Variants in GTF2F2 observed in about 807,000 individuals in gnomAD.
The protein encoded by GTF2F2 is general transcription factor IIF subunit 2, also known as ATP-dependent helicase GTF2F2.
A neutral mutation model predicts 42.2 loss-of-function variants in GTF2F2; 23 were observed. The ratio of observed to expected loss-of-function variants is 0.55; its 90% CI spans 0.39 to 0.77. The LOEUF (loss-of-function observed/expected upper bound fraction) is 0.77. Ranked by LOEUF, GTF2F2 falls within the 30% of genes least tolerant of loss-of-function variation. The pLI is 0.00. For synonymous variants in GTF2F2, 105 were observed against 100.8 expected (o/e 1.04, Z -0.25); for missense variants, 261 against 287.2 (o/e 0.91, Z 0.66).
At chr13:45,281,298 A>G (rs1457952667) in intron 7 of GTF2F2, among the ~76,000 whole-genome samples, 4 of 152,182 alleles carry the variant, frequency 2.6e-5, no homozygotes, top group Non-Finnish European at 5.9e-5. Flanking sequence ...GAGCTGAGCC[A>G]TCCTGAAGGA....
chr13:45,170,257 CT>C (rs1318762542), intron 4 of GTF2F2, among the ~76,000 whole-genome samples: 1 of 152,194 alleles, frequency 6.6e-6, no homozygotes, highest in Admixed American at 6.5e-5. Flanking sequence ...CAGACCCCCC[CT>C]GCCTTGGCCT....
chr13:45,273,457 C>CTG (rs1033852429), intron 7 of GTF2F2, among the ~76,000 whole-genome samples: 4 of 151,886 alleles, frequency 2.6e-5, no homozygotes, highest in African/African-American at 7.3e-5. Context: ...CAGAATTTTA[C>CTG]GTAAGGTATT....
At chr13:45,235,123 T>C (rs186770375) in intron 5 of GTF2F2, among the ~76,000 whole-genome samples, 9 of 150,924 alleles carry the variant, frequency 6.0e-5, no homozygotes, top group Admixed American at 2.0e-4. Context: ...CTGACAACAT[T>C]GTGAAAACAG....
At chr13:45,230,938 T>C (rs1874644903) in intron 5 of GTF2F2, among the ~76,000 whole-genome samples, 1 of 152,072 alleles carries the variant, frequency 6.6e-6, no homozygotes, top group African/African-American at 2.4e-5. Flanking sequence ...TTTTTGCAGC[T>C]TTTGTTTTTT....
At chr13:45,124,151 C>A in intron 1 of GTF2F2, 1 of 584,574 alleles carries the variant, frequency 1.7e-6, no homozygotes, top group Non-Finnish European at 3.2e-6. Flanking sequence ...GGCGCGATCT[C>A]GGCTCACTGC....
chr13:45,244,662 T>C (rs1875494157), intron 5 of GTF2F2, among the ~76,000 whole-genome samples: 1 of 152,314 alleles, frequency 6.6e-6, no homozygotes, highest in Non-Finnish European at 1.5e-5. Flanking sequence ...ATAGTCATTG[T>C]TAGTCATTAT....
At chr13:45,226,785 C>A (rs1167267787) in intron 5 of GTF2F2, among the ~76,000 whole-genome samples, 6 of 152,174 alleles carry the variant, frequency 3.9e-5, no homozygotes, top group African/African-American at 1.4e-4. Flanking sequence ...TCTTTTATAT[C>A]TTTCAGTTGC....
intron 4 of GTF2F2, among the ~76,000 whole-genome samples, chr13:45,168,779 G>GCTGGCTTCCTTC (rs1871427092): frequency 8.0e-6 from 1 of 125,532 alleles, no homozygotes; most frequent in East Asian, 2.6e-4. Context: ...CACCTGGCTG[G>GCTGGCTTCCTTC]CTTCCTTCCT....
chr13:45,196,065 G>A (rs1306773478), intron 4 of GTF2F2, among the ~76,000 whole-genome samples: 1 of 152,116 alleles, frequency 6.6e-6, no homozygotes, highest in African/African-American at 2.4e-5. Context: ...CTTCTAAAAT[G>A]CATACTTCTT....
At position 45,245,969 on chromosome 13, in the gene GTF2F2, C is replaced by T. The variant is rs1875580320; in HGVS notation, c.387-6902C>T. 3.4e-5 allele frequency among the ~76,000 whole-genome samples: 5 copies of T among 147,648 alleles called. No individual in the cohort carries two copies. In the Admixed American group the frequency reaches 3.4e-4, roughly 10 times the overall value. On this transcript the variant is annotated intron_variant, in intron 5 of 7. Transcript: ENST00000340473. The stretch of plus-strand genomic sequence containing the variant: ...AAAAAAAAAAAAAGTATTCCCTTTT[C>T]ACCACATCCACGCCAACATCTATTA...
intron 7 of GTF2F2, among the ~76,000 whole-genome samples, chr13:45,275,233 G>A (rs1272095073): frequency 2.0e-5 from 3 of 152,146 alleles, no homozygotes; most frequent in South Asian, 2.1e-4. Context: ...CAGTATGAGA[G>A]ATTGGCTCCA....
At chr13:45,210,348 C>G (rs1016146486) in intron 5 of GTF2F2, among the ~76,000 whole-genome samples, 4 of 152,162 alleles carry the variant, frequency 2.6e-5, no homozygotes, top group African/African-American at 9.7e-5. Flanking sequence ...AGCCTTTGCA[C>G]AGACATTCTT....
chr13:45,255,211 A>ATTT (rs1876055804), intron 6 of GTF2F2, among the ~76,000 whole-genome samples: 1 of 151,340 alleles, frequency 6.6e-6, no homozygotes, highest in Non-Finnish European at 1.5e-5. Context: ...TAGTATCAAC[A>ATTT]TTTATTAAGT....
chr13:45,197,415 A>G (rs1872954388), intron 4 of GTF2F2, among the ~76,000 whole-genome samples: 1 of 150,768 alleles, frequency 6.6e-6, no homozygotes, highest in African/African-American at 2.4e-5. Context: ...AGGCTGAGGC[A>G]GGAGAATCGC....
chr13:45,236,675 G>C (rs1427503602), intron 5 of GTF2F2, among the ~76,000 whole-genome samples: 1 of 152,122 alleles, frequency 6.6e-6, no homozygotes, highest in Non-Finnish European at 1.5e-5. Context: ...TAATGCATAT[G>C]AAATAATCTA....
At chr13:45,149,480 G>T (rs1050148427) in intron 2 of GTF2F2, among the ~76,000 whole-genome samples, 1 of 148,318 alleles carries the variant, frequency 6.7e-6, no homozygotes, top group Non-Finnish European at 1.5e-5. Flanking sequence ...AAAGAAAAAA[G>T]AATTGTAATA....
chr13:45,262,657 G>A (rs952658484), intron 6 of GTF2F2, among the ~76,000 whole-genome samples: 1 of 152,080 alleles, frequency 6.6e-6, no homozygotes, highest in East Asian at 1.9e-4. Context: ...AAGCTCAAGC[G>A]ATCCGCCCAC....
intron 4 of GTF2F2, among the ~76,000 whole-genome samples, chr13:45,181,507 T>C (rs1872167130): frequency 2.6e-5 from 4 of 152,148 alleles, no homozygotes; most frequent in South Asian, 2.1e-4. Context: ...TCTGATGTTC[T>C]TAAAGACAAT....
chr13:45,140,092 C>T (rs1869846298), intron 2 of GTF2F2, among the ~76,000 whole-genome samples: 1 of 150,304 alleles, frequency 6.7e-6, no homozygotes, highest in Non-Finnish European at 1.5e-5. Context: ...GGACTACAGG[C>T]AAGCACTGCC....
Sources: gnomAD v4.1 joint callset for allele counts (sites outside exome capture counted in the v4.1 genomes callset) on GRCh38, gnomAD v4.1.1 for gene constraint, MANE v1.5 for transcripts, NCBI Gene and HGNC (gene_info 2026-07-23, HGNC 2026-07-21) for gene names.